ABLIM2: variants seen among roughly 807,000 people sequenced by gnomAD.
ABLIM2 encodes actin binding LIM protein family member 2, also known as actin-binding LIM protein 2.
A neutral mutation model predicts 97.7 loss-of-function variants in ABLIM2; 53 were observed. That is an observed-to-expected ratio of 0.54 (90% confidence interval 0.44 to 0.68). The LOEUF (loss-of-function observed/expected upper bound fraction) is 0.68. Among genes scored for constraint, ABLIM2 ranks in the 30% least tolerant of loss-of-function variants. The probability of loss-of-function intolerance (pLI) is 0.00; values close to 1 mark genes in which losing one functional copy is unlikely to be tolerated. For synonymous variants in ABLIM2, 361 were observed against 345.8 expected, an observed-to-expected ratio of 1.04 and a Z score of -0.49; for missense variants, 835 against 867.2, an observed-to-expected ratio of 0.96 and a Z score of 0.47.
At position 8,003,780 on chromosome 4, in the gene ABLIM2, G is replaced by C. The variant is rs978797717; in HGVS notation, c.1618+4279C>G. ...GGGTTTCACCATGTTGGTCAGGCTG[G>C]TCTCGAACTCCTGACCTCAGGTGAT... On this transcript the variant is annotated intron_variant, in intron 16 of 20. Transcript: ENST00000447017. This position sits in a 1 kb window ranked among gnomAD's most constrained non-coding sequence, Gnocchi z 4.2. Among the ~76,000 whole-genome samples, 4 of 151,978 alleles carry C rather than the reference G, an allele frequency of 2.6e-5. No homozygotes were observed. The highest frequency in any genetic ancestry group is 9.7e-5 in the African/African-American group (4 of 41,396).
chr4:8,107,410 T>C (rs1837996133), intron 1 of ABLIM2, among the ~76,000 whole-genome samples: 1 of 152,196 alleles, frequency 6.6e-6, no homozygotes, highest in Admixed American at 6.5e-5. Flanking sequence ...CAGTGGGCAT[T>C]AGGGATGGCC....
At position 8,067,683 on chromosome 4, in the gene ABLIM2, A is replaced by C. The variant is rs1010741832; in HGVS notation, c.676-6629T>G. On this transcript the variant is annotated intron_variant, in intron 6 of 20. Coordinates refer to ENST00000447017, the MANE Select transcript of ABLIM2 (RefSeq NM_001130083.2). The surrounding 1 kb of genome is among the most constrained non-coding windows in gnomAD (Gnocchi z 5.4). ...TCTGAGGAACACCACGGGGCCGTCAAGTGGACGGAGCAAATGTGCCTGCCG... is the reference window on the plus strand; with the variant it reads ...TCTGAGGAACACCACGGGGCCGTCACGTGGACGGAGCAAATGTGCCTGCCG... 6.6e-6 allele frequency: 1 copy of C among 152,284 alleles called. No homozygotes were observed. Among genetic ancestry groups the C allele is most frequent in the Non-Finnish European group, 1.5e-5 (1 of 68,072 alleles). 9.4% of individuals were successfully genotyped at this position (152,284 alleles called of 1,614,324 possible). A position where few individuals can be genotyped will look rare whatever the true frequency, so the allele number is the denominator to read the frequency against.
Position 8,071,301 on chromosome 4 carries a change from C to G in ABLIM2, c.675+6327G>C, listed in dbSNP as rs537108223. ...CAGGAGTGGGACACAGATATCAGCC[C>G]CTCCCATGCCCCCACAGGACCCCAG... is the stretch of plus-strand genomic sequence containing the variant. On this transcript the variant is annotated intron_variant, in intron 6 of 20. Coordinates refer to ENST00000447017, the MANE Select transcript of ABLIM2 (RefSeq NM_001130083.2). This position sits in a 1 kb window ranked among gnomAD's most constrained non-coding sequence, Gnocchi z 6.2. 1.3e-5 allele frequency among the ~76,000 whole-genome samples: 2 copies of G among 152,306 alleles called. No individual in the cohort carries two copies. Among genetic ancestry groups the G allele is most frequent in the African/African-American group, 4.8e-5 (2 of 41,574 alleles).
chr4:8,105,529 A>G (rs1836921244), intron 2 of ABLIM2, among the ~76,000 whole-genome samples: 1 of 152,206 alleles, frequency 6.6e-6, no homozygotes, highest in African/African-American at 2.4e-5. Context: ...ATGCTCAATT[A>G]TCGGCTTGTG....
chr4:8,020,299 A>G lies in ABLIM2; in HGVS notation c.1272T>C (p.Ser424=). The change falls in exon 13 of 21, where the codon AGT becomes AGC. Residue 424 remains serine (S), a synonymous_variant. Coordinates refer to ENST00000447017, the MANE Select transcript of ABLIM2 (RefSeq NM_001130083.2). Reference sequence around the variant, plus strand: ...GGCTGGGGGTGCTCCGGCCACTTTCACTGCCTCCAGACGGAAGGGCAAAGG... The same window carrying G: ...GGCTGGGGGTGCTCCGGCCACTTTCGCTGCCTCCAGACGGAAGGGCAAAGG... ...RHHYIPYFRG[S]ESGRSTPSLS... The G allele has an allele frequency of 6.2e-7, 1 of 1,613,532 alleles. No individual in the cohort carries two copies. Among genetic ancestry groups the G allele is most frequent in the Non-Finnish European group, 8.5e-7 (1 of 1,179,756 alleles).
At chr4:8,006,492 T>C (rs546639009) in intron 16 of ABLIM2, among the ~76,000 whole-genome samples, 1 of 152,358 alleles carries the variant, frequency 6.6e-6, no homozygotes, top group South Asian at 2.1e-4. Flanking sequence ...ACTGATTTCC[T>C]GGTTCCCAGG....
chr4:8,145,929 G>C (rs1181127576), intron 1 of ABLIM2, among the ~76,000 whole-genome samples: 1 of 151,982 alleles, frequency 6.6e-6, no homozygotes, highest in East Asian at 1.9e-4. Flanking sequence ...TCCTAATGGA[G>C]TGTCCTTGAG....
intron 1 of ABLIM2, among the ~76,000 whole-genome samples, chr4:8,138,793 C>T (rs1446951278): frequency 1.3e-5 from 2 of 152,202 alleles, no homozygotes; most frequent in African/African-American, 4.8e-5. Flanking sequence ...ATTCAGGACA[C>T]AGGTATGGGC....
At chr4:8,090,666 G>A (rs1340609081) in intron 3 of ABLIM2, among the ~76,000 whole-genome samples, 3 of 152,108 alleles carry the variant, frequency 2.0e-5, no homozygotes, top group Non-Finnish European at 4.4e-5. Context: ...CATGGCCCCA[G>A]ACACTGTGAT....
Position 8,087,606 on chromosome 4 carries a change from G to T in ABLIM2, c.454+563C>A, listed in dbSNP as rs749259019. Among the ~76,000 whole-genome samples the T allele has an allele frequency of 7.9e-4, 121 of 152,222 alleles. No homozygotes were observed. Among genetic ancestry groups the T allele is most frequent in the Admixed American group, 2.3e-3 (35 of 15,284 alleles). On this transcript the variant is annotated intron_variant, in intron 4 of 20. Coordinates refer to ENST00000447017, the MANE Select transcript of ABLIM2 (RefSeq NM_001130083.2). This position sits in a 1 kb window ranked among gnomAD's most constrained non-coding sequence, Gnocchi z 4.6. ...CTGAGGGGAGTGAATGCCAGAGGGA[G>T]AGGACCTGAAGGAGACCTGGAAGGC... is the stretch of plus-strand genomic sequence containing the variant.
At chr4:8,080,578 C>T in intron 5 of ABLIM2, 98 bp downstream of exon 5, 1 of 1,344,484 alleles carries the variant, frequency 7.4e-7, no homozygotes, top group Non-Finnish European at 9.9e-7. Context: ...AGGAGAGACA[C>T]AGAGAGGGTG....
rs755851714 is a variant in ABLIM2 at position 8,113,013 on chromosome 4, G to C, written c.11-6376C>G. On this transcript the variant is annotated intron_variant, in intron 1 of 20. Transcript: ENST00000447017. The surrounding 1 kb of genome is among the most constrained non-coding windows in gnomAD (Gnocchi z 4.5). ...TGCCAGGCCAAAAGGGCATAGGCAG[G>C]GGGGCAAACTCCTCTTTCTGTCCAG... Among the ~76,000 whole-genome samples, 7 of 152,222 alleles carry C rather than the reference G, an allele frequency of 4.6e-5. No homozygotes were observed. The highest frequency in any genetic ancestry group is 8.8e-5 in the Non-Finnish European group (6 of 68,040).
rs1782616558 is a variant in ABLIM2, at chr4:8,033,976, T to G, written c.1047+2173A>C. Among the ~76,000 whole-genome samples the G allele has an allele frequency of 6.6e-6, 1 of 152,084 alleles. No homozygotes were observed. The highest frequency in any genetic ancestry group is 2.4e-5 in the African/African-American group (1 of 41,398). On this transcript the variant is annotated intron_variant, in intron 10 of 20. Transcript: ENST00000447017. The surrounding 1 kb of genome is among the most constrained non-coding windows in gnomAD (Gnocchi z 4.5). ...CACGCACTCAAACCAGGAAGGGGTGTGCCCGATGCCCCAAGGCTGCCAGGA... is the reference window on the plus strand; with the variant it reads ...CACGCACTCAAACCAGGAAGGGGTGGGCCCGATGCCCCAAGGCTGCCAGGA...
chr4:8,143,169 G>A (rs952939712), intron 1 of ABLIM2, among the ~76,000 whole-genome samples: 1 of 148,962 alleles, frequency 6.7e-6, no homozygotes, highest in African/African-American at 2.5e-5. Flanking sequence ...TGGGGGGGGG[G>A]GGCGTCTGCA....
chr4:8,096,015 C>A (rs1238971001), intron 3 of ABLIM2, among the ~76,000 whole-genome samples: 3 of 152,142 alleles, frequency 2.0e-5, no homozygotes, highest in Non-Finnish European at 4.4e-5. Flanking sequence ...GGTATTCTGC[C>A]CAACATGTTC....
rs1196168894 is a variant in ABLIM2, at chr4:8,003,729, C to G, written c.1618+4330G>C. On this transcript the variant is annotated intron_variant, in intron 16 of 20. Coordinates refer to ENST00000447017, the MANE Select transcript of ABLIM2 (RefSeq NM_001130083.2). This position sits in a 1 kb window ranked among gnomAD's most constrained non-coding sequence, Gnocchi z 4.2. ...TACAGGTATCCTCCACCATGCCTGG[C>G]TGATTTTTTGTGTTTAGTAGAGACG... 6.6e-6 allele frequency among the ~76,000 whole-genome samples: 1 copy of G among 152,054 alleles called. No individual in the cohort carries two copies. Among genetic ancestry groups the G allele is most frequent in the African/African-American group, 2.4e-5 (1 of 41,418 alleles).
chr4:8,143,165 G>GC (rs1216079792), intron 1 of ABLIM2, among the ~76,000 whole-genome samples: 5 of 147,760 alleles, frequency 3.4e-5, no homozygotes, highest in East Asian at 2.0e-4. Flanking sequence ...AGAGTGGGGG[G>GC]GGGGGGCGTC....
At chr4:7,969,730 G>GACACACACACACACACACACACAC (rs56236019) in intron 20 of ABLIM2, among the ~76,000 whole-genome samples, 1,948 of 139,626 alleles carry the variant, frequency 0.014, 74 homozygotes, top group East Asian at 0.058. Context: ...CTCTCTCTCT[G>GACACACACACACACACACACACAC]ACACACACAC....
rs1488189464 is a variant in ABLIM2 at position 8,155,803 on chromosome 4, G to A, written c.10+2877C>T. Reference sequence around the variant, plus strand: ...GACACACACAAAGGGAAGACGGGGCGAGGACACAGACACACACAAAGGGAA... The same window carrying A: ...GACACACACAAAGGGAAGACGGGGCAAGGACACAGACACACACAAAGGGAA... On this transcript the variant is annotated intron_variant, in intron 1 of 20. Coordinates refer to ENST00000447017, the MANE Select transcript of ABLIM2 (RefSeq NM_001130083.2). This position sits in a 1 kb window ranked among gnomAD's most constrained non-coding sequence, Gnocchi z 4.2. 2.0e-5 allele frequency among the ~76,000 whole-genome samples: 3 copies of A among 150,810 alleles called. No individual in the cohort carries two copies. The highest frequency in any genetic ancestry group is 4.4e-5 in the Non-Finnish European group (3 of 67,596).
Sources: allele counts gnomAD v4.1 joint callset (sites outside exome capture counted in the v4.1 genomes callset), GRCh38; gene constraint gnomAD v4.1.1; non-coding constraint Gnocchi (gnomAD v3.1); transcripts MANE v1.5; gene names NCBI Gene and HGNC (gene_info 2026-07-23, HGNC 2026-07-21).